DNAH12: variants seen among roughly 807,000 people sequenced by gnomAD.
The protein encoded by DNAH12 is dynein axonemal heavy chain 12.
Under a neutral mutation model 371.5 loss-of-function variants are expected in DNAH12, and 285 were observed. That is an observed-to-expected ratio of 0.77 (90% CI 0.70 to 0.85). The LOEUF (loss-of-function observed/expected upper bound fraction) is 0.85, where lower values mean the gene tolerates loss of function less well. Ranked by LOEUF, DNAH12 falls within the 40% of genes least tolerant of loss-of-function variation. The pLI, the probability that DNAH12 is intolerant of heterozygous loss-of-function variation, is 0.00. For synonymous variants in DNAH12, 1,200 were observed against 1,213.0 expected (o/e 0.99, Z 0.22); for missense variants, 3,611 against 3,689.4 (o/e 0.98, Z 0.55).
At chr3:57,552,580 C>A in the DNAH12 span, among the ~76,000 whole-genome samples, 1 of 152,008 alleles carries the variant, frequency 6.6e-6, no homozygotes, top group East Asian at 1.9e-4. Context: ...TTTCATTAAG[C>A]CCCTTCCATT....
At chr3:57,300,119 T>A (rs1034929364) in intron 70 of DNAH12, among the ~76,000 whole-genome samples, 2 of 152,196 alleles carry the variant, frequency 1.3e-5, no homozygotes, top group African/African-American at 4.8e-5. Flanking sequence ...TCTTTGCAGA[T>A]AGCCTCTTCT....
intron 16 of DNAH12, among the ~76,000 whole-genome samples, chr3:57,469,858 G>A (rs1458489889): frequency 6.6e-6 from 1 of 152,102 alleles, no homozygotes; most frequent in Non-Finnish European, 1.5e-5. Flanking sequence ...GGGAGCAAGG[G>A]CTGAGAAACT....
intron 29 of DNAH12, 44 bp downstream of exon 29, chr3:57,444,653 T>A (rs2065419014): frequency 6.5e-7 from 1 of 1,541,548 alleles, no homozygotes; most frequent in African/African-American, 1.4e-5. Context: ...AGTCATCGGA[T>A]GAATTTATTA....
intron 57 of DNAH12, among the ~76,000 whole-genome samples, chr3:57,365,264 A>T (rs1053798424): frequency 5.9e-5 from 9 of 152,354 alleles, no homozygotes; most frequent in African/African-American, 7.2e-5. Flanking sequence ...TACACCATGG[A>T]ATACTATGCA....
intron 67 of DNAH12, among the ~76,000 whole-genome samples, chr3:57,310,278 T>A (rs2061558882): frequency 6.6e-6 from 1 of 152,228 alleles, no homozygotes; most frequent in South Asian, 2.1e-4. Context: ...CTACAATTTA[T>A]CACCCTCTGT....
Position 57,301,829 on chromosome 3 carries a change from T to C in DNAH12, c.11300A>G (p.Lys3767Arg). The change falls in exon 70 of 74, where the codon AAG becomes AGG. Residue 3767 changes from lysine (K) to arginine (R), a missense_variant. Transcript: ENST00000495027. ...ACGTTTGGCCCATATTTCTGGAACC[T>C]TTCCAACAAGTAAGCTACCGGAGAG... Reference protein sequence around the residue: ...EALSGSLLVGKVPEIWAKRSY... With the variant: ...EALSGSLLVGRVPEIWAKRSY... 6.4e-7 allele frequency: 1 copy of C among 1,551,636 alleles called. No homozygotes were observed. Among genetic ancestry groups the C allele is most frequent in the Non-Finnish European group, 8.7e-7 (1 of 1,146,990 alleles).
chr3:57,308,597 A>C (rs1292882695), intron 69 of DNAH12, among the ~76,000 whole-genome samples: 2 of 151,868 alleles, frequency 1.3e-5, no homozygotes, highest in Non-Finnish European at 2.9e-5. Flanking sequence ...ACTCCTATTC[A>C]CCATTCTCAA....
At chr3:57,302,544 T>TC (rs2061372582) in intron 69 of DNAH12, among the ~76,000 whole-genome samples, 3 of 94,350 alleles carry the variant, frequency 3.2e-5, no homozygotes, top group Admixed American at 1.3e-4. Context: ...TATATATATA[T>TC]ATATATATAT....
chr3:57,488,090 G>A (rs996374784), intron 12 of DNAH12, among the ~76,000 whole-genome samples: 1 of 151,750 alleles, frequency 6.6e-6, no homozygotes, highest in African/African-American at 2.4e-5. Flanking sequence ...ATATTTATTG[G>A]GCTCCTATTC....
chr3:57,474,454 G>T (rs551609212), intron 13 of DNAH12, among the ~76,000 whole-genome samples: 14 of 152,086 alleles, frequency 9.2e-5, no homozygotes, highest in South Asian at 8.3e-4. Context: ...GTGCCACCAC[G>T]CCCAGCTAAC....
rs189862365 is a variant in DNAH12 at position 57,432,134 on chromosome 3, G to A, written c.4980+1233C>T. 4.3e-3 allele frequency among the ~76,000 whole-genome samples: 645 copies of A among 150,138 alleles called. 3 individuals are homozygous for A. Among genetic ancestry groups the A allele is most frequent in the African/African-American group, 0.015 (613 of 40,918 alleles). On this transcript the variant is annotated intron_variant, in intron 32 of 73. Transcript: ENST00000495027. ...AATGCATGAAAGAAGGAATGTGAATGACTAACCACCTATGATAAAGTACTT... is the reference window on the plus strand; with the variant it reads ...AATGCATGAAAGAAGGAATGTGAATAACTAACCACCTATGATAAAGTACTT...
At chr3:57,349,659 C>T (rs1054951510) in intron 60 of DNAH12, among the ~76,000 whole-genome samples, 22 of 152,050 alleles carry the variant, frequency 1.4e-4, no homozygotes, top group African/African-American at 4.1e-4. Flanking sequence ...TAATGGCATT[C>T]GCAGCAACCT....
At chr3:57,448,519 G>C (rs1010238803) in intron 25 of DNAH12, among the ~76,000 whole-genome samples, 1 of 136,960 alleles carries the variant, frequency 7.3e-6, no homozygotes, top group South Asian at 2.7e-4. Context: ...TTCGCAGTGA[G>C]TGTGACAGCT....
intron 37 of DNAH12, among the ~76,000 whole-genome samples, chr3:57,416,048 A>C (rs984202472): frequency 4.6e-5 from 7 of 152,090 alleles, no homozygotes; most frequent in African/African-American, 1.7e-4. Flanking sequence ...TTGGCCTCCC[A>C]AAGTGCTGGG....
rs2153375008 is a variant in DNAH12 at position 57,454,785 on chromosome 3, C to T, written c.3446G>A (p.Gly1149Asp). The change falls in exon 23 of 74, where the codon GGC (glycine) becomes GAC (aspartate). Residue 1149 changes from glycine to aspartate, a missense_variant. Transcript: ENST00000495027. ...WTSETQEVIS[G>D]GTEGLKKYYK... Reference sequence around the variant, plus strand: ...CAAACAATGCTTTACCTCCGTCCCGCCACTTATCACTTCCTGTGTCTCAGA... The same window carrying T: ...CAAACAATGCTTTACCTCCGTCCCGTCACTTATCACTTCCTGTGTCTCAGA... 2 of 1,551,216 alleles carry T rather than the reference C, an allele frequency of 1.3e-6. No homozygotes were observed. Among genetic ancestry groups the T allele is most frequent in the Non-Finnish European group, 1.7e-6 (2 of 1,146,788 alleles).
intron 22 of DNAH12, among the ~76,000 whole-genome samples, chr3:57,455,330 C>T (rs904887083): frequency 6.6e-6 from 1 of 151,548 alleles, no homozygotes; most frequent in Non-Finnish European, 1.5e-5. Context: ...TTTGGGAGGC[C>T]GAGGCAATGG....
chr3:57,532,692 C>T (rs1559758339), intron 2 of DNAH12, among the ~76,000 whole-genome samples: 1 of 152,164 alleles, frequency 6.6e-6, no homozygotes, highest in African/African-American at 2.4e-5. Flanking sequence ...CATTCAGACC[C>T]TCTCTCTGTG....
At chr3:57,434,262 A>G (rs2065051230) in intron 30 of DNAH12, among the ~76,000 whole-genome samples, 1 of 152,130 alleles carries the variant, frequency 6.6e-6, no homozygotes, top group Non-Finnish European at 1.5e-5. Flanking sequence ...CTAGGTAACT[A>G]GTTCTAACCA....
chr3:57,459,875 AT>A, intron 19 of DNAH12, 89 bp from the exon 20 acceptor site: 1 of 1,096,728 alleles, frequency 9.1e-7, no homozygotes, highest in Non-Finnish European at 1.2e-6. Flanking sequence ...ATTTACTATT[AT>A]TTTTAAATAA....
Sources: gnomAD v4.1 joint callset for allele counts (sites outside exome capture counted in the v4.1 genomes callset) on GRCh38, gnomAD v4.1.1 for gene constraint, MANE v1.5 for transcripts, NCBI Gene and HGNC (gene_info 2026-07-23, HGNC 2026-07-21) for gene names.